The following ANKRD28 variants were observed in gnomAD, a reference collection of about 807,000 sequenced individuals.
ANKRD28 encodes the protein serine/threonine-protein phosphatase 6 regulatory ankyrin repeat subunit A.
Under a neutral mutation model 126.5 loss-of-function variants are expected in ANKRD28, and 44 were observed. The ratio of observed to expected loss-of-function variants is 0.35; its 90% CI spans 0.27 to 0.45. ANKRD28 has a LOEUF of 0.45. Ranked by LOEUF, ANKRD28 falls within the 20% of genes least tolerant of loss-of-function variation. The pLI, the probability that ANKRD28 is intolerant of heterozygous loss-of-function variation, is 1.00. For missense variants in ANKRD28, 1,110 were observed against 1,316.6 expected, an observed-to-expected ratio of 0.84 and a Z score of 2.43; for synonymous variants, 442 against 468.5, an observed-to-expected ratio of 0.94 and a Z score of 0.73.
At chr3:15,776,035 C>G (rs2059249799) in intron 2 of ANKRD28, among the ~76,000 whole-genome samples, 1 of 152,216 alleles carries the variant, frequency 6.6e-6, no homozygotes. Context: ...GATAGCACCT[C>G]ATAAGCATAA....
At chr3:15,774,014 T>C (rs1187947963) in intron 2 of ANKRD28, among the ~76,000 whole-genome samples, 2 of 152,136 alleles carry the variant, frequency 1.3e-5, no homozygotes, top group East Asian at 1.9e-4. Context: ...CACACAAATA[T>C]GATTGATTTT....
At chr3:15,723,086 T>TCC (rs201383451) in intron 7 of ANKRD28, among the ~76,000 whole-genome samples, 4,079 of 152,272 alleles carry the variant, frequency 0.027, 182 homozygotes, top group African/African-American at 0.091. Context: ...TGCACCAGAA[T>TCC]GGACTTCAAA....
intron 2 of ANKRD28, among the ~76,000 whole-genome samples, chr3:15,777,455 A>T (rs1030502598): frequency 2.6e-5 from 4 of 152,158 alleles, no homozygotes; most frequent in Non-Finnish European, 4.4e-5. Flanking sequence ...TGGGGGAAGT[A>T]ATCTAGTTTC....
At chr3:15,768,865 G>A (rs1423007568) in intron 2 of ANKRD28, among the ~76,000 whole-genome samples, 1 of 152,084 alleles carries the variant, frequency 6.6e-6, no homozygotes, top group African/African-American at 2.4e-5. Context: ...ACAAGACCTT[G>A]TTTTTTATTC....
chr3:15,857,929 G>A (rs1559605214), intron 1 of ANKRD28, among the ~76,000 whole-genome samples: 2 of 152,204 alleles, frequency 1.3e-5, no homozygotes, highest in Non-Finnish European at 2.9e-5. Context: ...ACTGGTAAAG[G>A]TTACTGGAAA....
At chr3:15,704,226 T>G (rs1474349253) in intron 14 of ANKRD28, among the ~76,000 whole-genome samples, 2 of 152,114 alleles carry the variant, frequency 1.3e-5, no homozygotes, top group Non-Finnish European at 2.9e-5. Flanking sequence ...TTCAGAGGAC[T>G]TGCTGAATGA....
At chr3:15,730,690 T>C (rs1207646700) in intron 6 of ANKRD28, among the ~76,000 whole-genome samples, 1 of 152,250 alleles carries the variant, frequency 6.6e-6, no homozygotes, top group African/African-American at 2.4e-5. Flanking sequence ...TATATGTCGA[T>C]ATTCATCTTA....
intron 1 of ANKRD28, among the ~76,000 whole-genome samples, chr3:15,827,805 C>A (rs1042252683): frequency 3.9e-5 from 6 of 152,088 alleles, no homozygotes; most frequent in African/African-American, 1.4e-4. Flanking sequence ...AAAGGCAATG[C>A]AGAGAACAGG....
At chr3:15,811,608 C>A (rs1451185680) in intron 1 of ANKRD28, among the ~76,000 whole-genome samples, 1 of 152,006 alleles carries the variant, frequency 6.6e-6, no homozygotes, top group Non-Finnish European at 1.5e-5. Flanking sequence ...GTGCACGCCA[C>A]CATGCCCAGC....
intron 10 of ANKRD28, among the ~76,000 whole-genome samples, chr3:15,712,476 C>T (rs1455708884): frequency 6.6e-6 from 1 of 152,166 alleles, no homozygotes; most frequent in East Asian, 1.9e-4. Context: ...AGAAGCCATT[C>T]TGTGCATACA....
intron 16 of ANKRD28, among the ~76,000 whole-genome samples, 170 bp from the exon 17 acceptor site, chr3:15,694,983 A>T (rs1420648437): frequency 6.6e-6 from 1 of 152,182 alleles, no homozygotes; most frequent in Non-Finnish European, 1.5e-5. Context: ...AGCTTTGAAG[A>T]CAGGCATAAG....
At chr3:15,834,054 T>C (rs1250664933) in intron 1 of ANKRD28, among the ~76,000 whole-genome samples, 1 of 152,212 alleles carries the variant, frequency 6.6e-6, no homozygotes, top group Admixed American at 6.5e-5. Flanking sequence ...CTGTTCACTG[T>C]TTCTTTTACT....
chr3:15,724,429 T>G lies in ANKRD28; in HGVS notation c.736A>C (p.Ser246Arg). The change falls in exon 7 of 28, where the codon AGT (serine) becomes CGT (arginine). Residue 246 changes from serine (S) to arginine (R), a missense_variant. Physicochemically the swap from Ser to Arg is moderately radical, Grantham distance 110. Coordinates refer to ENST00000683139, the MANE Select transcript of ANKRD28 (RefSeq NM_001349278.2). ...TACTTGACTACGCTGATCATTCCAC[T>G]AGAGGCTGCTGCATGAAGAGGTGTA... ...SYTPLHAAASSGMISVVKYLL... is the reference protein window; with the variant it reads ...SYTPLHAAASRGMISVVKYLL... 1 of 1,606,406 alleles carries G rather than the reference T, an allele frequency of 6.2e-7. No homozygotes were observed. Among genetic ancestry groups the G allele is most frequent in the South Asian group, 1.1e-5 (1 of 89,396 alleles).
At chr3:15,685,673 C>A (rs2068027668) in intron 20 of ANKRD28, among the ~76,000 whole-genome samples, 1 of 151,932 alleles carries the variant, frequency 6.6e-6, no homozygotes, top group Non-Finnish European at 1.5e-5. Context: ...AAGAGAGAAA[C>A]TTGGTATTCA....
At chr3:15,704,920 C>T (rs563591393) in intron 14 of ANKRD28, among the ~76,000 whole-genome samples, 4 of 152,156 alleles carry the variant, frequency 2.6e-5, no homozygotes, top group Non-Finnish European at 4.4e-5. Context: ...GAAACAGAGG[C>T]TCCCATTAAC....
rs547737853 is a variant in ANKRD28, at chr3:15,848,919, T to C, written c.27+10458A>G. ...CAGACTGGAAAGAAAAAAGCAAAAT[T>C]ATCTCTAGTCACGGAAAATTATCTC... On this transcript the variant is annotated intron_variant, in intron 1 of 27. Transcript: ENST00000399451. 2.0e-5 allele frequency among the ~76,000 whole-genome samples: 3 copies of C among 152,222 alleles called. No individual in the cohort carries two copies. The East Asian group carries it at 5.8e-4, about 29-fold the overall frequency.
At chr3:15,739,902 C>A (rs1318652896) in intron 4 of ANKRD28, among the ~76,000 whole-genome samples, 3 of 152,196 alleles carry the variant, frequency 2.0e-5, no homozygotes, top group Admixed American at 6.5e-5. Context: ...GGAGGCCTAT[C>A]ACTCCACAAT....
intron 1 of ANKRD28, among the ~76,000 whole-genome samples, chr3:15,848,527 T>C (rs1347570914): frequency 6.6e-6 from 1 of 151,882 alleles, no homozygotes; most frequent in Non-Finnish European, 1.5e-5. Flanking sequence ...ATTAAAAAAT[T>C]AGCCAGGCAT....
At chr3:15,706,154 A>G (rs1357695159) in intron 14 of ANKRD28, among the ~76,000 whole-genome samples, 2 of 152,068 alleles carry the variant, frequency 1.3e-5, no homozygotes, top group Non-Finnish European at 2.9e-5. Flanking sequence ...GGTTTGGCAC[A>G]TATGTATACA....
Sources: gnomAD v4.1 joint callset for allele counts (sites outside exome capture counted in the v4.1 genomes callset) on GRCh38, gnomAD v4.1.1 for gene constraint, MANE v1.5 for transcripts, NCBI Gene and HGNC (gene_info 2026-07-23, HGNC 2026-07-21) for gene names.